Variants in LMBR1 observed in about 807,000 individuals in gnomAD.
LMBR1 encodes limb development membrane protein 1.
In LMBR1, 52 loss-of-function variants were observed where a neutral mutation model predicts 73.9. The ratio of observed to expected loss-of-function variants is 0.70; its 90% CI spans 0.56 to 0.89. LMBR1 has a LOEUF of 0.89. LMBR1 is among the 40% of genes least tolerant of loss of function. LMBR1 has a pLI of 0.00. For missense variants in LMBR1, 539 were observed against 579.8 expected, an observed-to-expected ratio of 0.93 and a Z score of 0.72; for synonymous variants, 215 against 209.4, an observed-to-expected ratio of 1.03 and a Z score of -0.23.
chr7:156,691,262 A>T (rs1807115492), intron 15 of LMBR1, among the ~76,000 whole-genome samples: 1 of 152,206 alleles, frequency 6.6e-6, no homozygotes, highest in Admixed American at 6.5e-5. Context: ...ACACCAGGCA[A>T]GAAGCTTAGT....
At chr7:156,876,245 A>T (rs552200564) in intron 1 of LMBR1, among the ~76,000 whole-genome samples, 1 of 152,346 alleles carries the variant, frequency 6.6e-6, no homozygotes, top group South Asian at 2.1e-4. Context: ...TAATGATAAA[A>T]GGCCTTGTCC....
intron 12 of LMBR1, among the ~76,000 whole-genome samples, chr7:156,727,626 C>T (rs1816030079): frequency 6.6e-6 from 1 of 152,012 alleles, no homozygotes; most frequent in Admixed American, 6.6e-5. Flanking sequence ...GGATCTGAAT[C>T]AAGACTATGG....
intron 16 of LMBR1, among the ~76,000 whole-genome samples, chr7:156,686,819 A>G (rs1167431671): frequency 6.6e-6 from 1 of 152,252 alleles, no homozygotes; most frequent in Non-Finnish European, 1.5e-5. Context: ...TGCTGATATT[A>G]TAACAGGCTT....
At chr7:156,887,436 A>C (rs1284181223) in intron 1 of LMBR1, among the ~76,000 whole-genome samples, 5 of 148,232 alleles carry the variant, frequency 3.4e-5, no homozygotes, top group Non-Finnish European at 7.4e-5. Context: ...CTGCACTCCA[A>C]CCTGGCGACA....
intron 3 of LMBR1, among the ~76,000 whole-genome samples, chr7:156,831,741 T>C (rs926934763): frequency 1.3e-5 from 2 of 152,212 alleles, no homozygotes; most frequent in Admixed American, 1.3e-4. Flanking sequence ...AAACAGCACA[T>C]CACCCTATTG....
chr7:156,777,043 C>T (rs1826279632), intron 5 of LMBR1, among the ~76,000 whole-genome samples: 1 of 152,160 alleles, frequency 6.6e-6, no homozygotes, highest in African/African-American at 2.4e-5. Context: ...GCCACTCTCC[C>T]GCCTCAGCCT....
chr7:156,841,953 C>A (rs146011786), intron 1 of LMBR1, among the ~76,000 whole-genome samples: 1 of 140,294 alleles, frequency 7.1e-6, no homozygotes, highest in East Asian at 2.1e-4. Context: ...AAAAAAGAAG[C>A]AATTGCTGAA....
At chr7:156,748,557 C>T (rs896434025) in intron 9 of LMBR1, among the ~76,000 whole-genome samples, 11 of 152,080 alleles carry the variant, frequency 7.2e-5, no homozygotes, top group Non-Finnish European at 1.3e-4. Context: ...GGCATGATCT[C>T]GGCTCATTGC....
intron 1 of LMBR1, among the ~76,000 whole-genome samples, chr7:156,868,426 A>C (rs1252153295): frequency 6.6e-6 from 1 of 152,184 alleles, no homozygotes; most frequent in Non-Finnish European, 1.5e-5. Flanking sequence ...CTGTTATCCC[A>C]GCACTTTGGG....
intron 1 of LMBR1, among the ~76,000 whole-genome samples, chr7:156,857,129 T>C (rs772629854): frequency 2.7e-5 from 4 of 146,762 alleles, no homozygotes; most frequent in South Asian, 2.2e-4. Context: ...CAATAGAAAA[T>C]AGTTAAAACT....
chr7:156,873,892 C>T (rs1240227764), intron 1 of LMBR1, among the ~76,000 whole-genome samples: 13 of 152,116 alleles, frequency 8.5e-5, no homozygotes, highest in Non-Finnish European at 1.5e-4. Flanking sequence ...CTGAGCTAGA[C>T]ATAAAGACTC....
intron 5 of LMBR1, among the ~76,000 whole-genome samples, chr7:156,790,996 T>C (rs923359495): frequency 5.3e-5 from 8 of 152,170 alleles, no homozygotes; most frequent in African/African-American, 1.9e-4. Context: ...CCATAACCAT[T>C]TCTAAGGTAA....
At chr7:156,756,693 G>T (rs929467757) in intron 8 of LMBR1, among the ~76,000 whole-genome samples, 5 of 152,074 alleles carry the variant, frequency 3.3e-5, no homozygotes, top group African/African-American at 1.2e-4. Flanking sequence ...ATTTAAATTG[G>T]ATATTTTTAA....
chr7:156,718,452 C>T (rs1335877272), intron 15 of LMBR1, among the ~76,000 whole-genome samples: 1 of 150,456 alleles, frequency 6.6e-6, no homozygotes, highest in Non-Finnish European at 1.5e-5. Flanking sequence ...AGGACAGGCA[C>T]GTGGCTCCCG....
At chr7:156,730,042 G>C (rs1444747165) in intron 10 of LMBR1, among the ~76,000 whole-genome samples, 1 of 152,170 alleles carries the variant, frequency 6.6e-6, no homozygotes, top group Non-Finnish European at 1.5e-5. Flanking sequence ...TAAATGGCAT[G>C]GACCCAAGAG....
intron 5 of LMBR1, among the ~76,000 whole-genome samples, chr7:156,786,139 G>A (rs1828036089): frequency 6.7e-6 from 1 of 149,502 alleles, no homozygotes. Context: ...AGGAGGGAAA[G>A]AAGGAATGAG....
downstream of LMBR1, among the ~76,000 whole-genome samples, chr7:156,674,518 G>A (rs116108474): frequency 6.9e-3 from 1,044 of 152,264 alleles, 11 homozygotes; most frequent in African/African-American, 0.023. Context: ...GGCCCTGAAT[G>A]AGCCACCTAC....
chr7:156,730,003 CCTT>C (rs1250911633), intron 10 of LMBR1, among the ~76,000 whole-genome samples: 1 of 152,198 alleles, frequency 6.6e-6, no homozygotes, highest in Non-Finnish European at 1.5e-5. Flanking sequence ...TTGTACTACA[CCTT>C]CTTCTGCAAG....
intron 9 of LMBR1, among the ~76,000 whole-genome samples, chr7:156,754,302 A>T (rs1216843917): frequency 6.6e-6 from 1 of 152,252 alleles, no homozygotes; most frequent in East Asian, 1.9e-4. Context: ...TTTAAAACCA[A>T]GTATGAAAAT....
Sources: gnomAD v4.1 joint callset for allele counts (sites outside exome capture counted in the v4.1 genomes callset) on GRCh38, gnomAD v4.1.1 for gene constraint, MANE v1.5 for transcripts, NCBI Gene and HGNC (gene_info 2026-07-23, HGNC 2026-07-21) for gene names.